The following MCTS1 variants were observed in gnomAD, a reference collection of about 807,000 sequenced individuals.
The protein encoded by MCTS1 is malignant T-cell-amplified sequence 1.
For missense variants in MCTS1, 55 were observed against 128.6 expected (o/e 0.43, Z 2.77); for synonymous variants, 26 against 40.8 (o/e 0.64, Z 1.38).
intron 2 of MCTS1, 99 bp from the exon 3 acceptor site, chrX:120,605,980 G>C (rs1336840321): frequency 2.1e-6 from 1 of 471,143 alleles, no homozygotes; most frequent in African/African-American, 2.5e-5. Context: ...GATTTTTACT[G>C]ACTTTTTAAG....
In MCTS1 at chrX:120,612,382, C is replaced by T. The variant is rs1010211174; in HGVS notation, c.*118C>T. On this transcript the variant is annotated 3_prime_UTR_variant, in exon 6 of 6. Transcript: ENST00000371317. ...TTATGCTGAATAAATTCACCAGATG[C>T]TAAAATTCTGTTAGCTTCAGAAATT... is the stretch of plus-strand genomic sequence containing the variant. 1.9e-6 allele frequency: 1 copy of T among 519,994 alleles called. No homozygotes were observed. Among genetic ancestry groups the T allele is most frequent in the African/African-American group, 2.4e-5 (1 of 41,119 alleles). 42.9% of individuals were successfully genotyped at this position (519,994 alleles called of 1,213,427 possible). A position where few individuals can be genotyped will look rare whatever the true frequency, so the allele number is the denominator to read the frequency against.
At chrX:120,604,290 G>T (rs1297950393) in intron 1 of MCTS1, 43 bp downstream of exon 1, 1 of 1,197,054 alleles carries the variant, frequency 8.4e-7, no homozygotes, top group Non-Finnish European at 1.1e-6. Context: ...CACAAAGGCG[G>T]TGGGGTGGGG....
rs1926823903 is a variant in MCTS1, at chrX:120,615,521, C to A, written c.*3257C>A. Among the ~76,000 whole-genome samples the A allele has an allele frequency of 9.0e-6, 1 of 111,311 alleles. No homozygotes were observed. Among genetic ancestry groups the A allele is most frequent in the Admixed American group, 9.6e-5 (1 of 10,398 alleles). On this transcript the variant is annotated 3_prime_UTR_variant, in exon 6 of 6. Coordinates refer to ENST00000371317, the MANE Select transcript of MCTS1 (RefSeq NM_014060.3). ...AATAATCTGGGTAATGGTGACAGCC[C>A]AATACTAATATGTAAAGCCAGTAGG...
Position 120,604,114 on chromosome X carries a change from C to G in MCTS1, c.-123C>G, listed in dbSNP as rs1054326976. ...CGGCTGGCTCTCGTTTTCCGGATAA[C>G]GACTACAGCTCCGACTGTCAGTGCC... On this transcript the variant is annotated 5_prime_UTR_variant, in exon 1 of 6. Coordinates refer to ENST00000371317, the MANE Select transcript of MCTS1 (RefSeq NM_014060.3). 6 of 876,986 alleles carry G rather than the reference C, an allele frequency of 6.8e-6. No homozygotes were observed. Among genetic ancestry groups the G allele is most frequent in the Non-Finnish European group, 9.7e-6 (6 of 618,586 alleles). 72.3% of individuals were successfully genotyped at this position (876,986 alleles called of 1,213,427 possible). A position where few individuals can be genotyped will look rare whatever the true frequency, so the allele number is the denominator to read the frequency against.
intron 1 of MCTS1, 105 bp from the exon 2 acceptor site, chrX:120,605,302 A>G: frequency 1.4e-6 from 1 of 712,310 alleles, no homozygotes; most frequent in South Asian, 3.4e-5. Flanking sequence ...TTAAGTATCT[A>G]AATACTTGGT....
intron 4 of MCTS1, among the ~76,000 whole-genome samples, chrX:120,609,599 CT>C (rs773351802): frequency 2.0e-3 from 228 of 112,005 alleles, no homozygotes; most frequent in African/African-American, 6.8e-3. Context: ...TGTTGACATG[CT>C]TTTTGCCTAA....
Position 120,618,294 on chromosome X carries a change from T to C in MCTS1, c.*6030T>C, listed in dbSNP as rs958181879. On this transcript the variant is annotated 3_prime_UTR_variant, in exon 6 of 6. Transcript: ENST00000371317. ...TTTTAGTTTCTCATGATGTGAAAGA[T>C]TTTGTATGCACGTCTTAGTCTGGAT... 8.9e-6 allele frequency among the ~76,000 whole-genome samples: 1 copy of C among 112,558 alleles called. No homozygotes were observed. Among genetic ancestry groups the C allele is most frequent in the Non-Finnish European group, 1.9e-5 (1 of 53,394 alleles).
chrX:120,604,926 T>TATC, intron 1 of MCTS1: 1 of 1,090,224 alleles, frequency 9.2e-7, no homozygotes, highest in Non-Finnish European at 1.2e-6. Context: ...AAATCATTAT[T>TATC]ATCATCACTT....
intron 3 of MCTS1, among the ~76,000 whole-genome samples, chrX:120,607,799 C>G (rs945851469): frequency 9.0e-6 from 1 of 111,648 alleles, no homozygotes; most frequent in Admixed American, 9.6e-5. Context: ...TTCCTCCCCC[C>G]ACTTCCCCAA....
intron 3 of MCTS1, 22 bp downstream of exon 3, chrX:120,606,198 T>G (rs1167887092): frequency 1.0e-6 from 1 of 968,780 alleles, no homozygotes; most frequent in African/African-American, 2.0e-5. Context: ...TTATTTTTAT[T>G]TTTTGAAATT....
chrX:120,605,710 G>A, intron 2 of MCTS1, 151 bp downstream of exon 2: 1 of 595,797 alleles, frequency 1.7e-6, no homozygotes, highest in South Asian at 4.5e-5. Flanking sequence ...TCCAATATTT[G>A]TATTTTCAAA....
At position 120,612,982 on chromosome X, in the gene MCTS1, A is replaced by G. The variant is rs1926739423; in HGVS notation, c.*718A>G. Among the ~76,000 whole-genome samples the G allele has an allele frequency of 9.8e-6, 1 of 101,959 alleles. No individual in the cohort carries two copies. The allele number at this position is 101,959 out of a possible 115,157, so 88.5% of individuals were successfully genotyped here. A position where few individuals can be genotyped will look rare whatever the true frequency, so the allele number is the denominator to read the frequency against. On this transcript the variant is annotated 3_prime_UTR_variant, in exon 6 of 6. Transcript: ENST00000371317. ...TGCTCTGTTGCCCAGGCTGGAGTGC[A>G]GTGGTACGATCTTGGCTCACTGTAA...
chrX:120,606,356 C>T lies in MCTS1; in HGVS notation c.262+180C>T, dbSNP rs766696518. On this transcript the variant is annotated intron_variant, in intron 3 of 5. Coordinates refer to ENST00000371317, the MANE Select transcript of MCTS1 (RefSeq NM_014060.3). The stretch of plus-strand genomic sequence containing the variant: ...GTTTAGAGTGACTTCTGATAATTGA[C>T]TCATTATTTATTAGTACTAGGTAAT... Among the ~76,000 whole-genome samples, 4 of 112,361 alleles carry T rather than the reference C, an allele frequency of 3.6e-5. No individual in the cohort carries two copies. In the South Asian group the frequency reaches 1.4e-3, roughly 41 times the overall value.
chrX:120,605,424 A>G lies in MCTS1; in HGVS notation c.29A>G (p.Asn10Ser), dbSNP rs1926506335. The G allele has an allele frequency of 8.6e-7, 1 of 1,165,768 alleles. No individual in the cohort carries two copies. Among genetic ancestry groups the G allele is most frequent in the Non-Finnish European group, 1.1e-6 (1 of 879,687 alleles). The change falls in exon 2 of 6, where the codon AAT becomes AGT. Residue 10 changes from asparagine to serine, a missense_variant. Asn to Ser is a conservative substitution (Grantham distance 46). Transcript: ENST00000371317. MFKKFDEKENVSNCIQLKTS... is the reference protein window; with the variant it reads MFKKFDEKESVSNCIQLKTS... Reference sequence around the variant, plus strand: ...CTTGGCAGATTTGATGAAAAAGAAAATGTGTCCAACTGCATCCAGTTGAAA... The same window carrying G: ...CTTGGCAGATTTGATGAAAAAGAAAGTGTGTCCAACTGCATCCAGTTGAAA...
At chrX:120,612,090 A>AAAAAATAAC in intron 5 of MCTS1, 93 bp from the exon 6 acceptor site, 1 of 684,158 alleles carries the variant, frequency 1.5e-6, no homozygotes, top group Non-Finnish European at 2.3e-6. Context: ...CTTAATAATT[A>AAAAAATAAC]AAAAATAACA....
At chrX:120,605,240 C>T (rs1217571227) in intron 1 of MCTS1, among the ~76,000 whole-genome samples, 167 bp from the exon 2 acceptor site, 1 of 111,424 alleles carries the variant, frequency 9.0e-6, no homozygotes, top group Non-Finnish European at 1.9e-5. Flanking sequence ...TTGTGCTGGA[C>T]AGAGTAAAAG....
chrX:120,619,305 T>TTAAC lies in MCTS1; in HGVS notation c.*7043_*7046dup, dbSNP rs1422621484. On this transcript the variant is annotated 3_prime_UTR_variant, in exon 6 of 6. Transcript: ENST00000371317. Reference sequence around the variant, plus strand: ...TTTAATACAAAGGATTGATACATATTTAACTGTTTAGAATTCTAGTTAAAC... The same window carrying TTAAC: ...TTTAATACAAAGGATTGATACATATTTAACTAACTGTTTAGAATTCTAGTTAAAC... Among the ~76,000 whole-genome samples, 1 of 111,064 alleles carries TTAAC rather than the reference T, an allele frequency of 9.0e-6. No individual in the cohort carries two copies. The highest frequency in any genetic ancestry group is 3.3e-5 in the African/African-American group (1 of 30,575).
Position 120,619,300 on chromosome X carries a change from C to T in MCTS1, c.*7036C>T, listed in dbSNP as rs1249673353. Among the ~76,000 whole-genome samples the T allele has an allele frequency of 9.0e-6, 1 of 110,794 alleles. No individual in the cohort carries two copies. Among genetic ancestry groups the T allele is most frequent in the Non-Finnish European group, 1.9e-5 (1 of 52,932 alleles). ...AGATATTTAATACAAAGGATTGATA[C>T]ATATTTAACTGTTTAGAATTCTAGT... On this transcript the variant is annotated 3_prime_UTR_variant, in exon 6 of 6. Coordinates refer to ENST00000371317, the MANE Select transcript of MCTS1 (RefSeq NM_014060.3).
intron 4 of MCTS1, among the ~76,000 whole-genome samples, chrX:120,608,899 A>G (rs1209396908): frequency 8.9e-6 from 1 of 111,960 alleles, no homozygotes; most frequent in Non-Finnish European, 1.9e-5. Flanking sequence ...AATTATTTGA[A>G]AAGTTGAGTT....
Sources: gnomAD v4.1 joint callset for allele counts (sites outside exome capture counted in the v4.1 genomes callset) on GRCh38, gnomAD v4.1.1 for gene constraint, MANE v1.5 for transcripts, NCBI Gene and HGNC (gene_info 2026-07-23, HGNC 2026-07-21) for gene names.